The following IL1RAP variants were observed in gnomAD, a reference collection of about 807,000 sequenced individuals.
IL1RAP encodes the protein interleukin 1 receptor accessory protein.
IL1RAP carries 35 observed loss-of-function variants against 60.7 expected under a neutral mutation model. The ratio of observed to expected loss-of-function variants is 0.58; its 90% CI spans 0.44 to 0.76. The LOEUF (loss-of-function observed/expected upper bound fraction) is 0.76, where lower values mean the gene tolerates loss of function less well. IL1RAP is among the 30% of genes least tolerant of loss of function. The probability of loss-of-function intolerance (pLI) is 0.00; values close to 1 mark genes in which losing one functional copy is unlikely to be tolerated. For missense variants in IL1RAP, 572 were observed against 693.9 expected (o/e 0.82, Z 1.97); for synonymous variants, 268 against 250.9 (o/e 1.07, Z -0.64).
At chr3:190,572,080 A>G (rs1280483752) in intron 3 of IL1RAP, among the ~76,000 whole-genome samples, 8 of 152,058 alleles carry the variant, frequency 5.3e-5, no homozygotes, top group African/African-American at 1.9e-4. Context: ...ATTGTTTGCC[A>G]TAGACTTATC....
intron 7 of IL1RAP, chr3:190,625,212 A>C (rs939378130): frequency 2.6e-5 from 4 of 152,146 alleles, no homozygotes; most frequent in African/African-American, 9.7e-5. Context: ...CATCCTTCTT[A>C]TTATTTCTAT....
chr3:190,643,424 G>C (rs1733798482), intron 9 of IL1RAP, among the ~76,000 whole-genome samples: 1 of 152,148 alleles, frequency 6.6e-6, no homozygotes, highest in Non-Finnish European at 1.5e-5. Flanking sequence ...ATTTGGTTGT[G>C]ACAGACCTTG....
At chr3:190,651,978 G>A (rs978279016), downstream of IL1RAP, among the ~76,000 whole-genome samples, 2 of 152,094 alleles carry the variant, frequency 1.3e-5, no homozygotes, top group Non-Finnish European at 1.5e-5. Context: ...AGGCTTTAAC[G>A]CAACCACACG....
In IL1RAP at chr3:190,644,343, C is replaced by A; in HGVS notation, c.1147C>A (p.Leu383Ile). Residue 383 changes from leucine (L) to isoleucine (I), a missense_variant, in exon 10 of 12, where the codon CTA (leucine) becomes ATA (isoleucine). Coordinates refer to ENST00000447382, the MANE Select transcript of IL1RAP (RefSeq NM_002182.4). ...ILIVVYHVYW[L>I]EMVLFYRAHF... Reference sequence around the variant, plus strand: ...CATTGTTGTTTACCATGTTTACTGGCTAGAGATGGTCCTATTTTACCGGGC... The same window carrying A: ...CATTGTTGTTTACCATGTTTACTGGATAGAGATGGTCCTATTTTACCGGGC... 7 of 1,613,936 alleles carry A rather than the reference C, an allele frequency of 4.3e-6. No homozygotes were observed. Among genetic ancestry groups the A allele is most frequent in the Non-Finnish European group, 5.9e-6 (7 of 1,179,914 alleles).
At chr3:190,656,310 T>C, downstream of IL1RAP, 1 of 1,537,238 alleles carries the variant, frequency 6.5e-7, no homozygotes, top group Non-Finnish European at 8.7e-7. Context: ...CAGAGAGGGC[T>C]GCAGGTAGCC....
At chr3:190,552,005 C>A (rs181584561) in intron 1 of IL1RAP, among the ~76,000 whole-genome samples, 2 of 152,094 alleles carry the variant, frequency 1.3e-5, no homozygotes, top group Admixed American at 1.3e-4. Context: ...GGCAATCCAA[C>A]GTACCTAAAC....
chr3:190,629,626 G>T (rs1732610466), intron 9 of IL1RAP, 128 bp downstream of exon 9: 1 of 1,401,716 alleles, frequency 7.1e-7, no homozygotes, highest in Admixed American at 3.4e-5. Context: ...CCATAGTAAT[G>T]AATCAAACTT....
rs1025619297 is a variant in IL1RAP at position 190,639,722 on chromosome 3, C to G, written c.1052-4526C>G. On this transcript the variant is annotated intron_variant, in intron 9 of 11. Transcript: ENST00000447382. Reference sequence around the variant, plus strand: ...ATTTTGAGTTCTGAATTTCGTAAGACAGTGTTAAATTTTGTTCTAGAGGGT... The same window carrying G: ...ATTTTGAGTTCTGAATTTCGTAAGAGAGTGTTAAATTTTGTTCTAGAGGGT... 1.4e-4 allele frequency among the ~76,000 whole-genome samples: 22 copies of G among 152,216 alleles called. 1 individual carries two copies. The highest frequency in any genetic ancestry group is 5.3e-4 in the African/African-American group (22 of 41,530).
chr3:190,579,087 C>T (rs1293126155), intron 3 of IL1RAP, among the ~76,000 whole-genome samples: 4 of 152,306 alleles, frequency 2.6e-5, no homozygotes, highest in Admixed American at 2.6e-4. Context: ...CTCTTTGTTA[C>T]AGGCAGCTTT....
At chr3:190,603,451 C>T (rs1255391458) in intron 3 of IL1RAP, among the ~76,000 whole-genome samples, 5 of 151,868 alleles carry the variant, frequency 3.3e-5, no homozygotes, top group African/African-American at 1.2e-4. Context: ...GTCCTGCTGT[C>T]CAATAAAGTA....
At chr3:190,572,855 C>CTTTTTTTTTTTTTTTTT (rs1337681913) in intron 3 of IL1RAP, among the ~76,000 whole-genome samples, 1 of 57,592 alleles carries the variant, frequency 1.7e-5, no homozygotes, top group Non-Finnish European at 3.3e-5. Flanking sequence ...AGGGTTAATG[C>CTTTTTTTTTTTTTTTTT]TTTGTTTTTT....
exon 12 of IL1RAP, chr3:190,656,623 G>T (rs1424123611): frequency 7.0e-7 from 1 of 1,429,922 alleles, no homozygotes; most frequent in African/African-American, 1.4e-5. Flanking sequence ...GTGTGTGGTG[G>T]GTGGTGGCTA....
intron 5 of IL1RAP, among the ~76,000 whole-genome samples, chr3:190,614,492 A>G (rs1005168150): frequency 3.9e-5 from 6 of 152,104 alleles, no homozygotes; most frequent in African/African-American, 1.4e-4. Context: ...ATAACAGCTA[A>G]CATTTACTGA....
At chr3:190,535,227 C>G (rs759684021) in intron 1 of IL1RAP, among the ~76,000 whole-genome samples, 1 of 152,182 alleles carries the variant, frequency 6.6e-6, no homozygotes, top group Non-Finnish European at 1.5e-5. Context: ...AACTTGAACT[C>G]AAGTCTCCTG....
At chr3:190,516,765 C>T (rs1000574772) in intron 1 of IL1RAP, among the ~76,000 whole-genome samples, 18 of 152,054 alleles carry the variant, frequency 1.2e-4, no homozygotes, top group East Asian at 1.9e-4. Flanking sequence ...ATCTGTATAA[C>T]GAATAAATTC....
downstream of IL1RAP, among the ~76,000 whole-genome samples, chr3:190,653,065 G>T (rs371983759): frequency 3.3e-5 from 5 of 152,300 alleles, no homozygotes; most frequent in Non-Finnish European, 5.9e-5. Context: ...TTAGTAATGA[G>T]TTAGGAGATG....
intron 1 of IL1RAP, among the ~76,000 whole-genome samples, chr3:190,517,528 T>C (rs1459968624): frequency 6.6e-6 from 1 of 152,216 alleles, no homozygotes; most frequent in African/African-American, 2.4e-5. Context: ...AAGTGATGGC[T>C]GGAGGCTCAT....
intron 1 of IL1RAP, among the ~76,000 whole-genome samples, chr3:190,542,721 C>G (rs1437392510): frequency 5.1e-4 from 78 of 151,872 alleles, no homozygotes; most frequent in Non-Finnish European, 1.8e-4. Context: ...CTCCAGATCT[C>G]AGAGTTTGGG....
intron 3 of IL1RAP, among the ~76,000 whole-genome samples, chr3:190,592,391 G>T (rs771253502): frequency 6.6e-6 from 1 of 152,194 alleles, no homozygotes; most frequent in Non-Finnish European, 1.5e-5. Context: ...CTGCACAACA[G>T]CAGGAAGGGT....
Sources: gnomAD v4.1 joint callset for allele counts (sites outside exome capture counted in the v4.1 genomes callset) on GRCh38, gnomAD v4.1.1 for gene constraint, MANE v1.5 for transcripts, NCBI Gene and HGNC (gene_info 2026-07-23, HGNC 2026-07-21) for gene names.